Variants in DDX19B observed in about 807,000 individuals in gnomAD.
DDX19B encodes the protein DEAD-box helicase 19B.
DDX19B carries 27 observed loss-of-function variants against 58.1 expected under a neutral mutation model. That is an observed-to-expected ratio of 0.46 (90% CI 0.34 to 0.64). The LOEUF (loss-of-function observed/expected upper bound fraction) is 0.64, where lower values mean the gene tolerates loss of function less well. Among genes scored for constraint, DDX19B ranks in the 30% least tolerant of loss-of-function variants. The pLI is 0.01. For missense variants in DDX19B, 399 were observed against 596.5 expected (o/e 0.67, Z 3.45); for synonymous variants, 187 against 214.4 (o/e 0.87, Z 1.12).
chr16:70,303,010 A>G (rs1350563654), intron 1 of DDX19B, among the ~76,000 whole-genome samples: 1 of 152,136 alleles, frequency 6.6e-6, no homozygotes, highest in Non-Finnish European at 1.5e-5. Flanking sequence ...TCATGTGCTT[A>G]TTTGCCATGT....
upstream of DDX19B, among the ~76,000 whole-genome samples, chr16:70,293,373 G>C (rs556190423): frequency 6.6e-6 from 1 of 151,050 alleles, no homozygotes; most frequent in African/African-American, 2.4e-5. Context: ...AGCCATGATC[G>C]TGCCACTGCA....
At chr16:70,292,824 G>A (rs1961095206), upstream of DDX19B, among the ~76,000 whole-genome samples, 1 of 152,028 alleles carries the variant, frequency 6.6e-6, no homozygotes, top group African/African-American at 2.4e-5. Context: ...TGAAACAACA[G>A]GCCAGGCACA....
chr16:70,316,001 C>G lies in DDX19B; in HGVS notation c.193C>G (p.Leu65Val). The G allele has an allele frequency of 1.2e-6, 2 of 1,614,056 alleles. No individual in the cohort carries two copies. Among genetic ancestry groups the G allele is most frequent in the African/African-American group, 2.7e-5 (2 of 75,018 alleles). ...DRAAQSLLNK[L>V]IRSNLVDNTN... ...AGCTGCCCAGTCCTTACTCAACAAG[C>G]TGATCAGAAGCAACCTTGTTGATAA... Residue 65 changes from leucine (L) to valine (V), a missense_variant, in exon 4 of 12, where the codon CTG becomes GTG. Leu to Val is a conservative substitution (Grantham distance 32). This residue lies in a region of DDX19B where 132 missense variants were observed against 159.4 expected (regional missense o/e 0.83). Coordinates refer to ENST00000288071, the MANE Select transcript of DDX19B (RefSeq NM_007242.7).
chr16:70,305,821 C>T (rs1181342927), intron 1 of DDX19B, among the ~76,000 whole-genome samples: 3 of 151,166 alleles, frequency 2.0e-5, no homozygotes, highest in Non-Finnish European at 3.0e-5. Context: ...AGTGCAGTGG[C>T]GCAATCTCGG....
chr16:70,319,715 A>G (rs1465263272), intron 5 of DDX19B: 1 of 151,810 alleles, frequency 6.6e-6, no homozygotes, highest in Non-Finnish European at 1.5e-5. Context: ...ACATGGTGAG[A>G]CCCTGTCTCT....
chr16:70,308,698 A>G (rs80258964), intron 1 of DDX19B, among the ~76,000 whole-genome samples: 10,886 of 151,980 alleles, frequency 0.072, 1,308 homozygotes, highest in African/African-American at 0.25. Context: ...ATCTTTATAG[A>G]GGTGGAGTCT....
intron 7 of DDX19B, among the ~76,000 whole-genome samples, chr16:70,327,590 T>G (rs1245149253): frequency 1.3e-5 from 2 of 151,328 alleles, no homozygotes; most frequent in African/African-American, 2.4e-5. Flanking sequence ...AAAGACAGTG[T>G]CTTGCTATGT....
At position 70,314,805 on chromosome 16, in the gene DDX19B, G is replaced by A. The variant is rs1164316357; in HGVS notation, c.107-97G>A. 4 of 1,327,530 alleles carry A rather than the reference G, an allele frequency of 3.0e-6. No homozygotes were observed. The East Asian group carries it at 9.6e-5, about 32-fold the overall frequency. 82.2% of individuals were successfully genotyped at this position (1,327,530 alleles called of 1,614,324 possible). A position where few individuals can be genotyped will look rare whatever the true frequency, so the allele number is the denominator to read the frequency against. ...TCCTCATTTATTTTTTGCTCCCCAG[G>A]CCTTTACAAAAACTTCTAGTGTCAT... On this transcript the variant is annotated intron_variant, in intron 2 of 11. Coordinates refer to ENST00000288071, the MANE Select transcript of DDX19B (RefSeq NM_007242.7).
intron 1 of DDX19B, among the ~76,000 whole-genome samples, chr16:70,302,194 T>TA (rs1282570818): frequency 6.6e-6 from 1 of 152,180 alleles, no homozygotes; most frequent in East Asian, 1.9e-4. Context: ...GTCCTAGAAT[T>TA]ACAGGCGTGA....
intron 9 of DDX19B, 59 bp from the exon 10 acceptor site, chr16:70,331,663 G>C (rs1419326466): frequency 1.3e-6 from 2 of 1,572,914 alleles, no homozygotes; most frequent in Non-Finnish European, 1.7e-6. Flanking sequence ...CTTTTTAGCA[G>C]TTGTCTTCCT....
intron 5 of DDX19B, among the ~76,000 whole-genome samples, chr16:70,321,555 A>G (rs1361381036): frequency 6.6e-6 from 1 of 152,238 alleles, no homozygotes; most frequent in Non-Finnish European, 1.5e-5. Flanking sequence ...ACTTGGATAC[A>G]TTAGTCAACA....
intron 7 of DDX19B, among the ~76,000 whole-genome samples, chr16:70,327,665 G>A (rs1963243565): frequency 6.6e-6 from 1 of 151,728 alleles, no homozygotes; most frequent in African/African-American, 2.4e-5. Flanking sequence ...TCAAAGTGAT[G>A]GGATTACAGG....
intron 1 of DDX19B, among the ~76,000 whole-genome samples, chr16:70,307,050 C>G (rs994100864): frequency 6.6e-6 from 1 of 152,194 alleles, no homozygotes; most frequent in East Asian, 1.9e-4. Context: ...TGTATCAGTA[C>G]TTTATTCCTT....
upstream of DDX19B, chr16:70,294,955 C>G: frequency 6.8e-7 from 1 of 1,467,554 alleles, no homozygotes; most frequent in South Asian, 1.3e-5. Flanking sequence ...ACCCTTTCCT[C>G]CCACGTTTAG....
At chr16:70,294,129 T>G (rs1280142251), upstream of DDX19B, among the ~76,000 whole-genome samples, 1 of 128,978 alleles carries the variant, frequency 7.8e-6, no homozygotes, top group Non-Finnish European at 1.6e-5. Flanking sequence ...TCGCCCAGGC[T>G]GGAGTGCAGT....
At chr16:70,315,544 CTTAATG>C in intron 3 of DDX19B, 1 of 157,190 alleles carries the variant, frequency 6.4e-6, no homozygotes, top group Non-Finnish European at 1.4e-5. Context: ...TAAAATTAAG[CTTAATG>C]TTATTTTGAC....
intron 5 of DDX19B, among the ~76,000 whole-genome samples, chr16:70,322,709 T>A (rs564663688): frequency 2.0e-5 from 3 of 150,820 alleles, no homozygotes; most frequent in East Asian, 3.9e-4. Context: ...CTGGCCAACA[T>A]GGTGAAACCC....
rs374533600 is a variant in DDX19B, at chr16:70,324,606, A to G, written c.411A>G (p.Gln137=). 4.3e-5 allele frequency: 70 copies of G among 1,613,786 alleles called. No individual in the cohort carries two copies. Among genetic ancestry groups the G allele is most frequent in the Non-Finnish European group, 5.8e-5 (68 of 1,179,946 alleles). ...LAEPPQNLIA[Q]SQSGTGKTAA... ...GCAGCCCACAGAACTTAATTGCCCA[A>G]TCTCAGTCTGGTACTGGTAAAACAG... is the stretch of plus-strand genomic sequence containing the variant. The change falls in exon 6 of 12, where the codon CAA becomes CAG. Residue 137 remains glutamine, a synonymous_variant. Coordinates refer to ENST00000288071, the MANE Select transcript of DDX19B (RefSeq NM_007242.7).
intron 1 of DDX19B, among the ~76,000 whole-genome samples, chr16:70,309,050 T>G (rs1041246575): frequency 5.9e-5 from 9 of 152,050 alleles, no homozygotes; most frequent in East Asian, 1.9e-4. Flanking sequence ...TCTTTTTTTT[T>G]TTGTTTGTTT....
Sources: gnomAD v4.1 joint callset for allele counts (sites outside exome capture counted in the v4.1 genomes callset) on GRCh38, gnomAD v4.1.1 for gene constraint, gnomAD v4.1.1 regional missense constraint, MANE v1.5 for transcripts, NCBI Gene and HGNC (gene_info 2026-07-23, HGNC 2026-07-21) for gene names.